The following SETD2 variants were observed in gnomAD, a reference collection of about 807,000 sequenced individuals.
SETD2 encodes the protein histone-lysine N-methyltransferase SETD2.
SETD2 carries 31 observed loss-of-function variants against 242.1 expected under a neutral mutation model. That is an observed-to-expected ratio of 0.13 (90% confidence interval 0.10 to 0.17). The LOEUF (loss-of-function observed/expected upper bound fraction) is 0.17, where lower values mean the gene tolerates loss of function less well. SETD2 is among the 10% of genes least tolerant of loss of function. The pLI, the probability that SETD2 is intolerant of heterozygous loss-of-function variation, is 1.00. For synonymous variants in SETD2, 1,006 were observed against 1,066.5 expected (o/e 0.94, Z 1.11); for missense variants, 2,481 against 3,046.3 (o/e 0.81, Z 4.37).
rs749719032 is a variant in SETD2, at chr3:47,037,820, C to G, written c.7239-43G>C. On this transcript the variant is annotated intron_variant, in intron 17 of 20. Transcript: ENST00000409792. ...CAGCCATGCTGTCAGGGCTAGGAAACAGAGAATCCTGACATAAACATCACT... is the reference window on the plus strand; with the variant it reads ...CAGCCATGCTGTCAGGGCTAGGAAAGAGAGAATCCTGACATAAACATCACT... 5 of 1,379,550 alleles carry G rather than the reference C, an allele frequency of 3.6e-6. No individual in the cohort carries two copies. The African/African-American group carries it at 5.7e-5, about 16-fold the overall frequency. The allele number at this position is 1,379,550 out of a possible 1,614,324, so 85.5% of individuals were successfully genotyped here. A position where few individuals can be genotyped will look rare whatever the true frequency, so the allele number is the denominator to read the frequency against.
In SETD2 at chr3:47,124,177, G is replaced by A. The variant is rs2043232395; in HGVS notation, c.459C>T (p.Ser153=). The change falls in exon 3 of 21, where the codon TCC becomes TCT. Residue 153 remains serine, a synonymous_variant. Coordinates refer to ENST00000409792, the MANE Select transcript of SETD2 (RefSeq NM_014159.7). ...CTGTGGTAGTAGCCAGCAGTGGCCT[G>A]GATGTTACATGAAGCAGATGTTTCT... ...HFKKHLLHVT[S]RPLLATTTAV... is the part of the protein sequence containing the mutation. 1 of 1,551,776 alleles carries A rather than the reference G, an allele frequency of 6.4e-7. No homozygotes were observed. Among genetic ancestry groups the A allele is most frequent in the South Asian group, 1.2e-5 (1 of 84,068 alleles).
chr3:47,129,861 A>G lies in SETD2; in HGVS notation c.72-3198T>C, dbSNP rs961710851. ...GCCATTGCACTCTAGCCTGGGCGAC[A>G]GAATGAGACTCCGCCTCAAAAAAAA... On this transcript the variant is annotated intron_variant, in intron 1 of 20. Coordinates refer to ENST00000409792, the MANE Select transcript of SETD2 (RefSeq NM_014159.7). Among the ~76,000 whole-genome samples the G allele has an allele frequency of 5.3e-5, 8 of 152,026 alleles. No homozygotes were observed. The East Asian group carries it at 1.5e-3, about 29-fold the overall frequency.
Position 47,062,371 on chromosome 3 carries a change from GT to G in SETD2, c.6110-26del, listed in dbSNP as rs10589946. 0.045 allele frequency: 55,809 copies of G among 1,245,896 alleles called. 6 individuals are homozygous for G. The highest frequency in any genetic ancestry group is 0.053 in the South Asian group (3,423 of 64,454). The allele number at this position is 1,245,896 out of a possible 1,614,324, so 77.2% of individuals were successfully genotyped here. A position where few individuals can be genotyped will look rare whatever the true frequency, so the allele number is the denominator to read the frequency against. On this transcript the variant is annotated intron_variant, in intron 13 of 20. Coordinates refer to ENST00000409792, the MANE Select transcript of SETD2 (RefSeq NM_014159.7). ...GCTAAGGGAAAAGGGTGGTTTGTTT[GT>G]TTTTTTTTTTTTTAAGTTTATTTGG...
chr3:47,079,180 TATATC>T (rs1217467576), intron 12 of SETD2, among the ~76,000 whole-genome samples: 2 of 152,176 alleles, frequency 1.3e-5, no homozygotes, highest in South Asian at 2.1e-4. Flanking sequence ...AGCCTGAAAT[TATATC>T]ATAATTAAAA....
Position 47,163,967 on chromosome 3 carries a change from C to T in SETD2, c.-43G>A, listed in dbSNP as rs747330957. The T allele has an allele frequency of 2.4e-6, 3 of 1,265,730 alleles. No individual in the cohort carries two copies. Among genetic ancestry groups the T allele is most frequent in the South Asian group, 3.6e-5 (1 of 27,642 alleles). The allele number at this position is 1,265,730 out of a possible 1,614,324, so 78.4% of individuals were successfully genotyped here. On this transcript the variant is annotated 5_prime_UTR_variant, in exon 1 of 21. Transcript: ENST00000409792. ...GGCGACGCGAGCCCCCTCCCCGCAG[C>T]AGGGCGACGCGGGGGAGGGGAGGGG...
chr3:47,151,815 A>C (rs2043991635), intron 1 of SETD2, among the ~76,000 whole-genome samples: 1 of 145,242 alleles, frequency 6.9e-6, no homozygotes, highest in African/African-American at 2.6e-5. Context: ...AGAGAGACCA[A>C]GACTCTTGTC....
rs765767219 is a variant in SETD2 at position 47,120,426 on chromosome 3, G to A, written c.4210C>T (p.Leu1404Phe). 1 of 1,611,080 alleles carries A rather than the reference G, an allele frequency of 6.2e-7. No homozygotes were observed. The highest frequency in any genetic ancestry group is 8.5e-7 in the Non-Finnish European group (1 of 1,179,348). Residue 1404 changes from leucine (L) to phenylalanine (F), a missense_variant, in exon 3 of 21, where the codon CTT becomes TTT. This residue lies in a region of SETD2 where 1,300 missense variants were observed against 1,259.2 expected (regional missense o/e 1.03). Transcript: ENST00000409792. The stretch of plus-strand genomic sequence containing the variant: ...TCTATTTCCTGCCTCCTTTTTTTAA[G>A]AGGCCCTCTATCTTTGATATCATTT... The part of the protein sequence containing the change: ...EKNDIKDRGP[L>F]KKRRQEIESD...
In SETD2 at chr3:47,017,010, G is replaced by T. The variant is rs2038010559; in HGVS notation, c.*83C>A. 3 of 1,319,394 alleles carry T rather than the reference G, an allele frequency of 2.3e-6. No individual in the cohort carries two copies. In the South Asian group the frequency reaches 3.8e-5, roughly 17 times the overall value. The allele number at this position is 1,319,394 out of a possible 1,614,324, so 81.7% of individuals were successfully genotyped here. On this transcript the variant is annotated 3_prime_UTR_variant, in exon 21 of 21. Coordinates refer to ENST00000409792, the MANE Select transcript of SETD2 (RefSeq NM_014159.7). The surrounding 1 kb of genome is among the most constrained non-coding windows in gnomAD (Gnocchi z 4.8). ...TCATCAGTAGCACAGTGCTGACAGGGGTGGGACAGAAAGGCCCACAGGATT... is the reference window on the plus strand; with the variant it reads ...TCATCAGTAGCACAGTGCTGACAGGTGTGGGACAGAAAGGCCCACAGGATT...
chr3:47,120,162 CAAGT>C lies in SETD2; in HGVS notation c.4454+16_4454+19del, dbSNP rs1166986319. ...AAAAAAAGAGTTAAAATTTGTCAAA[CAAGT>C]ATTAATTAGACTTACCTTTCTGTTA... On this transcript the variant is annotated intron_variant, in intron 3 of 20. Transcript: ENST00000409792. The C allele has an allele frequency of 6.7e-7, 1 of 1,484,272 alleles. No individual in the cohort carries two copies. The allele number at this position is 1,484,272 out of a possible 1,614,324, so 91.9% of individuals were successfully genotyped here. A position where few individuals can be genotyped will look rare whatever the true frequency, so the allele number is the denominator to read the frequency against.
Position 47,139,819 on chromosome 3 carries a change from A to C in SETD2, c.72-13156T>G, listed in dbSNP as rs552787494. 3.9e-5 allele frequency among the ~76,000 whole-genome samples: 6 copies of C among 152,352 alleles called. No homozygotes were observed. The South Asian group carries it at 1.2e-3, about 32-fold the overall frequency. ...ATACACTGCTTTATCAAAGACATTG[A>C]AATTTCAGGTAAAGCACTTTGGAGT... On this transcript the variant is annotated intron_variant, in intron 1 of 20. Coordinates refer to ENST00000409792, the MANE Select transcript of SETD2 (RefSeq NM_014159.7).
chr3:47,028,511 T>G (rs145617088), intron 18 of SETD2, among the ~76,000 whole-genome samples: 3 of 152,276 alleles, frequency 2.0e-5, no homozygotes, highest in Admixed American at 6.5e-5. Context: ...TACTCTGGAC[T>G]CAACCCGACA....
chr3:47,156,319 TGACTGAGAAGATCTGGAAACACCAAAG>T (rs1474799469), intron 1 of SETD2, among the ~76,000 whole-genome samples: 1 of 152,100 alleles, frequency 6.6e-6, no homozygotes, highest in African/African-American at 2.4e-5. Flanking sequence ...CAGTGAAAAA[TGACTGAGAAGATCTGGAAACACCAAAG>T]TCCTGCTAAG....
At position 47,084,894 on chromosome 3, in the gene SETD2, CT is replaced by C. The variant is rs879474671; in HGVS notation, c.5398-513del. Among the ~76,000 whole-genome samples, 804 of 133,278 alleles carry C rather than the reference CT, an allele frequency of 6.0e-3. 2 individuals carry two copies. Among genetic ancestry groups the C allele is most frequent in the Admixed American group, 6.2e-3 (80 of 12,908 alleles). The allele number at this position is 133,278 out of a possible 152,430, so 87.4% of individuals were successfully genotyped here. On this transcript the variant is annotated intron_variant, in intron 11 of 20. Transcript: ENST00000409792. ...TACAGGGATGCACCACCATGCACAG[CT>C]TTTTTTTTTTTTTTTAGTAGAGATG...
intron 1 of SETD2, among the ~76,000 whole-genome samples, chr3:47,136,077 T>A (rs2043583420): frequency 6.6e-6 from 1 of 152,138 alleles, no homozygotes; most frequent in African/African-American, 2.4e-5. Flanking sequence ...ATCTCAAATA[T>A]AGCATGGTCA....
chr3:47,019,844 A>C lies in SETD2; in HGVS notation c.7351-4T>G, dbSNP rs776986628. 22 of 1,613,264 alleles carry C rather than the reference A, an allele frequency of 1.4e-5. No individual in the cohort carries two copies. The South Asian group carries it at 2.0e-4, about 14-fold the overall frequency. Reference sequence around the variant, plus strand: ...CTGTCTTGGGCTTTTTCGAGGCCTAAAAATGGAGGAGAAAACACAGTGGTG... The same window carrying C: ...CTGTCTTGGGCTTTTTCGAGGCCTACAAATGGAGGAGAAAACACAGTGGTG... On this transcript the variant is annotated splice_polypyrimidine_tract_variant and splice_region_variant and intron_variant, in intron 18 of 20. Coordinates refer to ENST00000409792, the MANE Select transcript of SETD2 (RefSeq NM_014159.7).
chr3:47,036,082 T>C (rs1256193293), intron 18 of SETD2, among the ~76,000 whole-genome samples: 3 of 152,204 alleles, frequency 2.0e-5, no homozygotes, highest in Non-Finnish European at 4.4e-5. Context: ...GAATAAAATA[T>C]AAACAAGAAT....
intron 9 of SETD2, among the ~76,000 whole-genome samples, chr3:47,097,043 C>A (rs1251497222): frequency 6.6e-6 from 1 of 152,076 alleles, no homozygotes; most frequent in Non-Finnish European, 1.5e-5. Context: ...ACTCTCATCA[C>A]CTCCCTCATG....
At chr3:47,027,452 C>T (rs2038544324) in intron 18 of SETD2, among the ~76,000 whole-genome samples, 1 of 151,064 alleles carries the variant, frequency 6.6e-6, no homozygotes, top group Non-Finnish European at 1.5e-5. Context: ...AGGAGATATA[C>T]CTAATGCTAA....
chr3:47,056,734 G>T, intron 15 of SETD2, 87 bp downstream of exon 15: 2 of 1,035,234 alleles, frequency 1.9e-6, no homozygotes, highest in Non-Finnish European at 2.9e-6. Context: ...AGTAGTCCAT[G>T]GTAAGACTTC....
Sources: gnomAD v4.1 joint callset for allele counts (sites outside exome capture counted in the v4.1 genomes callset) on GRCh38, gnomAD v4.1.1 for gene constraint, gnomAD v4.1.1 regional missense constraint, Gnocchi (gnomAD v3.1) non-coding constraint, MANE v1.5 for transcripts, NCBI Gene and HGNC (gene_info 2026-07-23, HGNC 2026-07-21) for gene names.